The following EFCAB3 variants were observed in gnomAD, a reference collection of about 807,000 sequenced individuals.
EFCAB3 encodes the protein EF-hand calcium binding domain 3.
EFCAB3 carries 36 observed loss-of-function variants against 42.2 expected under a neutral mutation model. The observed-to-expected ratio is 0.85, with a 90% CI of 0.65 to 1.13. The LOEUF (loss-of-function observed/expected upper bound fraction) is 1.13, where lower values mean the gene tolerates loss of function less well. Among genes scored for constraint, EFCAB3 ranks in the 50% most tolerant of loss-of-function variants. The probability of loss-of-function intolerance (pLI) is 0.00; values close to 1 mark genes in which losing one functional copy is unlikely to be tolerated. For synonymous variants in EFCAB3, 170 were observed against 172.8 expected (o/e 0.98, Z 0.13); for missense variants, 418 against 505.1 (o/e 0.83, Z 1.65).
At chr17:62,394,451 G>A (rs2070332116) in intron 5 of EFCAB3, among the ~76,000 whole-genome samples, 1 of 152,168 alleles carries the variant, frequency 6.6e-6, no homozygotes, top group Non-Finnish European at 1.5e-5. Flanking sequence ...TGGAGAGTCT[G>A]CTGGAGGTTA....
intron 6 of EFCAB3, among the ~76,000 whole-genome samples, chr17:62,400,961 CTTTTTAATGAT>C (rs1404386439): frequency 6.6e-6 from 1 of 152,098 alleles, no homozygotes; most frequent in African/African-American, 2.4e-5. Context: ...ATTTTAATGA[CTTTTTAATGAT>C]TGCCATTCTA....
intron 7 of EFCAB3, 69 bp downstream of exon 7, chr17:62,406,742 T>C (rs988718291): frequency 3.2e-5 from 49 of 1,527,090 alleles, no homozygotes; most frequent in Non-Finnish European, 4.4e-5. Context: ...CAGAAAGAAG[T>C]ACTAGAGCCC....
chr17:62,373,933 G>C (rs1376491267), intron 2 of EFCAB3: 1 of 827,502 alleles, frequency 1.2e-6, no homozygotes, highest in Non-Finnish European at 1.8e-6. Flanking sequence ...TTTTATCTGT[G>C]TTTTCTTGGT....
At chr17:62,406,981 T>C (rs772716811) in intron 7 of EFCAB3, 47 bp from the exon 8 acceptor site, 2 of 1,535,744 alleles carry the variant, frequency 1.3e-6, no homozygotes, top group Non-Finnish European at 8.7e-7. Flanking sequence ...TTATGTGAAC[T>C]TCTTCTTACA....
intron 1 of EFCAB3, among the ~76,000 whole-genome samples, chr17:62,372,237 A>G (rs1234150537): frequency 6.6e-6 from 1 of 151,740 alleles, no homozygotes; most frequent in Non-Finnish European, 1.5e-5. Context: ...TTTTTTGCCT[A>G]TATTTTCTTC....
chr17:62,381,412 G>T (rs2070197223), intron 1 of EFCAB3, among the ~76,000 whole-genome samples: 1 of 151,908 alleles, frequency 6.6e-6, no homozygotes, highest in African/African-American at 2.4e-5. Context: ...TGGACATTTG[G>T]CTTGGTTCAA....
intron 8 of EFCAB3, among the ~76,000 whole-genome samples, chr17:62,408,929 G>C (rs1394360309): frequency 1.3e-5 from 2 of 152,260 alleles, no homozygotes; most frequent in East Asian, 3.9e-4. Flanking sequence ...TTTAGGTCTT[G>C]TCTCAAATGT....
intron 6 of EFCAB3, among the ~76,000 whole-genome samples, chr17:62,401,311 T>C (rs866397583): frequency 6.6e-6 from 1 of 152,352 alleles, no homozygotes; most frequent in East Asian, 1.9e-4. Flanking sequence ...CATTTCTTAA[T>C]TTTGGCTTTT....
intron 3 of EFCAB3, among the ~76,000 whole-genome samples, chr17:62,388,273 G>A (rs978881566): frequency 2.6e-5 from 4 of 152,150 alleles, no homozygotes; most frequent in African/African-American, 9.7e-5. Context: ...CACAAGTTAT[G>A]ATAGGAAAAG....
chr17:62,395,139 C>T lies in EFCAB3; in HGVS notation c.439C>T (p.Leu147Phe), dbSNP rs1423194185. 3 of 1,613,928 alleles carry T rather than the reference C, an allele frequency of 1.9e-6. No homozygotes were observed. The highest frequency in any genetic ancestry group is 8.5e-7 in the Non-Finnish European group (1 of 1,180,006). The change falls in exon 6 of 10, where the codon CTT becomes TTT. Residue 147 changes from leucine to phenylalanine, a missense_variant. Leu to Phe is a conservative substitution (Grantham distance 22). Coordinates refer to ENST00000305286, the MANE Select transcript of EFCAB3 (RefSeq NM_173503.4). ...CCTATTGTTTGAAATCCTATCAAGG[C>T]TTCTAGAGACTTCAGCCCTACCCAG... is the stretch of plus-strand genomic sequence containing the variant. ...GILLFEILSR[L>F]LETSALPRKS... is the part of the protein sequence containing the mutation.
At chr17:62,372,174 T>A (rs1200481667) in intron 1 of EFCAB3, among the ~76,000 whole-genome samples, 3 of 152,196 alleles carry the variant, frequency 2.0e-5, no homozygotes, top group Non-Finnish European at 2.9e-5. Flanking sequence ...TTTGAACCAA[T>A]CCGTTGCAAA....
intron 2 of EFCAB3, among the ~76,000 whole-genome samples, chr17:62,386,922 A>G (rs145689922): frequency 0.02 from 2,980 of 152,030 alleles, 95 homozygotes; most frequent in African/African-American, 0.067. Flanking sequence ...CTGAGTGGCT[A>G]GGACTACAGG....
chr17:62,371,279 G>A (rs1023518406), intron 1 of EFCAB3, among the ~76,000 whole-genome samples: 1 of 151,966 alleles, frequency 6.6e-6, no homozygotes, highest in East Asian at 1.9e-4. Flanking sequence ...GACTTGCCGG[G>A]CGCGGTGGCT....
At chr17:62,371,720 G>C (rs576893845) in intron 1 of EFCAB3, among the ~76,000 whole-genome samples, 416 of 152,256 alleles carry the variant, frequency 2.7e-3, no homozygotes, top group Non-Finnish European at 4.2e-3. Flanking sequence ...ATTAGGAAGA[G>C]ATACACAGGG....
intron 4 of EFCAB3, 123 bp downstream of exon 4, chr17:62,392,088 ATATT>A (rs1184102915): frequency 8.5e-6 from 6 of 705,902 alleles, no homozygotes; most frequent in Middle Eastern, 4.5e-4. Context: ...AAATATATAT[ATATT>A]TGTGTGTATA....
intron 1 of EFCAB3, among the ~76,000 whole-genome samples, chr17:62,373,383 C>T (rs1002506820): frequency 6.6e-6 from 1 of 151,478 alleles, no homozygotes; most frequent in Non-Finnish European, 1.5e-5. Flanking sequence ...GAGGCCAAGG[C>T]GTGAGGATCA....
upstream of EFCAB3, among the ~76,000 whole-genome samples, chr17:62,376,480 A>C (rs1211845781): frequency 6.6e-6 from 1 of 152,176 alleles, no homozygotes; most frequent in African/African-American, 2.4e-5. Flanking sequence ...CTTTTAAAGA[A>C]AGTTTTCTTT....
chr17:62,387,313 T>A, intron 2 of EFCAB3, 27 bp from the exon 3 acceptor site: 1 of 1,572,080 alleles, frequency 6.4e-7, no homozygotes, highest in African/African-American at 1.3e-5. Flanking sequence ...AGGTAGTAAA[T>A]CTAAATATTT....
intron 3 of EFCAB3, among the ~76,000 whole-genome samples, chr17:62,387,839 G>A (rs748501611): frequency 2.6e-5 from 4 of 152,140 alleles, no homozygotes; most frequent in Admixed American, 2.6e-4. Flanking sequence ...TGTACTAGGC[G>A]TGGGAAACAA....
Sources: allele counts gnomAD v4.1 joint callset (sites outside exome capture counted in the v4.1 genomes callset), GRCh38; gene constraint gnomAD v4.1.1; transcripts MANE v1.5; gene names NCBI Gene and HGNC (gene_info 2026-07-23, HGNC 2026-07-21).